The following CSMD1 variants were observed in gnomAD, a reference collection of about 807,000 sequenced individuals.
CSMD1 encodes CUB and Sushi multiple domains 1.
In CSMD1, 213 loss-of-function variants were observed where a neutral mutation model predicts 417.5. The observed-to-expected ratio is 0.51, with a 90% confidence interval of 0.46 to 0.57. The LOEUF (loss-of-function observed/expected upper bound fraction) is 0.57. Among genes scored for constraint, CSMD1 ranks in the 20% least tolerant of loss-of-function variants. The probability of loss-of-function intolerance (pLI) is 0.00; values close to 1 mark genes in which losing one functional copy is unlikely to be tolerated. For missense variants in CSMD1, 6,923 were observed against 4,529.7 expected (o/e 1.53, Z -15.17); for synonymous variants, 2,862 against 1,736.8 (o/e 1.65, Z -16.11).
intron 3 of CSMD1, among the ~76,000 whole-genome samples, chr8:4,153,781 G>A (rs1796689163): frequency 6.6e-6 from 1 of 152,202 alleles, no homozygotes; most frequent in Non-Finnish European, 1.5e-5. Flanking sequence ...TTTGTCAGGG[G>A]AAACACAGTT....
Position 3,851,379 on chromosome 8 carries a change from T to G in CSMD1, c.819-97337A>C, listed in dbSNP as rs116230706. Among the ~76,000 whole-genome samples the G allele has an allele frequency of 1.7e-3, 265 of 152,354 alleles. 1 individual carries two copies. Among genetic ancestry groups the G allele is most frequent in the African/African-American group, 6.1e-3 (254 of 41,584 alleles). ...CCAAATGGCCATCCCTGAACCACTTTTGTTATCTCTTTTGGCATGGACATA... is the reference window on the plus strand; with the variant it reads ...CCAAATGGCCATCCCTGAACCACTTGTGTTATCTCTTTTGGCATGGACATA... On this transcript the variant is annotated intron_variant, in intron 5 of 69. Coordinates refer to ENST00000635120, the MANE Select transcript of CSMD1 (RefSeq NM_033225.6).
At position 4,638,170 on chromosome 8, in the gene CSMD1, G is replaced by A. The variant is rs540580017; in HGVS notation, c.86-612C>T. 5.3e-5 allele frequency among the ~76,000 whole-genome samples: 8 copies of A among 152,242 alleles called. No homozygotes were observed. In the South Asian group the frequency reaches 1.5e-3, roughly 28 times the overall value. ...TCATCAATATCAAATTTCAGTTCAT[G>A]GGGGAACAAATTTGGTGCTATCTAC... On this transcript the variant is annotated intron_variant, in intron 1 of 69. Coordinates refer to ENST00000635120, the MANE Select transcript of CSMD1 (RefSeq NM_033225.6).
chr8:3,303,906 C>G (rs1330884009), intron 25 of CSMD1, among the ~76,000 whole-genome samples: 2 of 151,932 alleles, frequency 1.3e-5, no homozygotes, highest in Non-Finnish European at 2.9e-5. Flanking sequence ...TCTTCCAGAC[C>G]CAAGTGCCCC....
intron 7 of CSMD1, among the ~76,000 whole-genome samples, chr8:3,707,076 C>T (rs1276171771): frequency 6.6e-6 from 1 of 151,926 alleles, no homozygotes; most frequent in African/African-American, 2.4e-5. Flanking sequence ...CCTCTGAGGC[C>T]CAGGGGACAT....
chr8:3,307,652 T>A, intron 25 of CSMD1, 43 bp downstream of exon 25: 3 of 1,588,492 alleles, frequency 1.9e-6, no homozygotes, highest in Non-Finnish European at 2.6e-6. Flanking sequence ...ATAGAAGGCA[T>A]ATCTCTTTTC....
intron 3 of CSMD1, among the ~76,000 whole-genome samples, chr8:4,107,594 A>C (rs994983979): frequency 5.9e-5 from 9 of 152,230 alleles, no homozygotes; most frequent in African/African-American, 1.7e-4. Context: ...GCGCTTTGTG[A>C]ATAGCTGGGA....
chr8:3,820,660 C>A (rs1801683028), intron 5 of CSMD1, among the ~76,000 whole-genome samples: 1 of 152,216 alleles, frequency 6.6e-6, no homozygotes, highest in Non-Finnish European at 1.5e-5. Flanking sequence ...AGTGCAAACT[C>A]TGCCTCCCAG....
At chr8:3,966,705 G>T (rs1189803256) in intron 5 of CSMD1, among the ~76,000 whole-genome samples, 1 of 150,986 alleles carries the variant, frequency 6.6e-6, no homozygotes, top group African/African-American at 2.4e-5. Context: ...TGCCATGCCT[G>T]GCAGGCTGCA....
intron 3 of CSMD1, among the ~76,000 whole-genome samples, chr8:4,152,046 A>G (rs777823031): frequency 2.0e-5 from 3 of 152,150 alleles, no homozygotes; most frequent in Non-Finnish European, 2.9e-5. Context: ...TCATTTGACT[A>G]TGCTTTAATT....
intron 41 of CSMD1, among the ~76,000 whole-genome samples, chr8:3,140,309 G>A (rs546742078): frequency 6.6e-6 from 1 of 151,508 alleles, no homozygotes; most frequent in African/African-American, 2.4e-5. Flanking sequence ...GTTGTGGGAA[G>A]TTGCTTCCTC....
At chr8:4,775,901 T>A (rs940554135) in intron 1 of CSMD1, among the ~76,000 whole-genome samples, 2 of 152,052 alleles carry the variant, frequency 1.3e-5, no homozygotes, top group Non-Finnish European at 2.9e-5. Flanking sequence ...AGAGGACAAG[T>A]TAGGGAGTGG....
At chr8:3,792,896 C>T (rs192734352) in intron 5 of CSMD1, among the ~76,000 whole-genome samples, 1 of 152,260 alleles carries the variant, frequency 6.6e-6, no homozygotes, top group Admixed American at 6.5e-5. Flanking sequence ...AACATCTAAC[C>T]TACCTGAGAT....
At chr8:3,989,440 T>C (rs1375696939) in intron 5 of CSMD1, among the ~76,000 whole-genome samples, 2 of 152,174 alleles carry the variant, frequency 1.3e-5, no homozygotes, top group Non-Finnish European at 2.9e-5. Context: ...GAGCGGCTTC[T>C]TAGCATGCTG....
intron 2 of CSMD1, among the ~76,000 whole-genome samples, chr8:4,465,919 GAAGGAA>G (rs1397488694): frequency 6.6e-6 from 1 of 152,174 alleles, no homozygotes; most frequent in Non-Finnish European, 1.5e-5. Flanking sequence ...AGCCATAGAA[GAAGGAA>G]AAGTCAGTAG....
In CSMD1 at chr8:3,666,121, T is replaced by G. The variant is rs376201443; in HGVS notation, c.1009+42293A>C. Among the ~76,000 whole-genome samples, 438 of 152,276 alleles carry G rather than the reference T, an allele frequency of 2.9e-3. 2 individuals are homozygous for G. Among genetic ancestry groups the G allele is most frequent in the African/African-American group, 0.01 (426 of 41,552 alleles). ...ATGTTGGCCAGGCTGGTCTTGAACTTCTGACCTCAAGTGATCTACATGCCC... is the reference window on the plus strand; with the variant it reads ...ATGTTGGCCAGGCTGGTCTTGAACTGCTGACCTCAAGTGATCTACATGCCC... On this transcript the variant is annotated intron_variant, in intron 7 of 69. Transcript: ENST00000635120.
At chr8:3,768,119 T>A (rs955512624) in intron 5 of CSMD1, among the ~76,000 whole-genome samples, 1 of 151,810 alleles carries the variant, frequency 6.6e-6, no homozygotes, top group African/African-American at 2.4e-5. Flanking sequence ...AAAATGTGTG[T>A]CTTCAAAGAT....
At chr8:4,405,584 G>T (rs781743974) in intron 3 of CSMD1, among the ~76,000 whole-genome samples, 1 of 152,052 alleles carries the variant, frequency 6.6e-6, no homozygotes, top group African/African-American at 2.4e-5. Context: ...TATACAAAAC[G>T]TGAGTTTGTT....
At chr8:4,652,254 T>C (rs986363831) in intron 1 of CSMD1, among the ~76,000 whole-genome samples, 2 of 152,178 alleles carry the variant, frequency 1.3e-5, no homozygotes, top group African/African-American at 2.4e-5. Flanking sequence ...GATGTCAGAA[T>C]AGAAATCCAG....
At chr8:3,506,885 T>C (rs909766328) in intron 10 of CSMD1, among the ~76,000 whole-genome samples, 1 of 152,220 alleles carries the variant, frequency 6.6e-6, no homozygotes. Context: ...CACTATTTGA[T>C]GTCGGATAAT....
Sources: allele counts gnomAD v4.1 joint callset (sites outside exome capture counted in the v4.1 genomes callset), GRCh38; gene constraint gnomAD v4.1.1; transcripts MANE v1.5; gene names NCBI Gene and HGNC (gene_info 2026-07-23, HGNC 2026-07-21).